NEK11: variants seen among roughly 807,000 people sequenced by gnomAD.
NEK11 encodes the protein serine/threonine-protein kinase Nek11.
Under a neutral mutation model 80.7 loss-of-function variants are expected in NEK11, and 72 were observed. The ratio of observed to expected loss-of-function variants is 0.89; its 90% confidence interval spans 0.74 to 1.08. The LOEUF (loss-of-function observed/expected upper bound fraction) is 1.08, where lower values mean the gene tolerates loss of function less well. NEK11 is among the 50% of genes least tolerant of loss of function. The pLI, the probability that NEK11 is intolerant of heterozygous loss-of-function variation, is 0.00. For synonymous variants in NEK11, 251 were observed against 260.7 expected, an observed-to-expected ratio of 0.96 and a Z score of 0.36; for missense variants, 764 against 763.6, an observed-to-expected ratio of 1.00 and a Z score of -0.01.
chr3:131,296,146 C>T (rs1431224516), intron 17 of NEK11, among the ~76,000 whole-genome samples: 1 of 152,116 alleles, frequency 6.6e-6, no homozygotes, highest in Non-Finnish European at 1.5e-5. Flanking sequence ...TGGCCCAAGT[C>T]TGCTTTCAAA....
rs1226364994 is a variant in NEK11 at position 131,051,223 on chromosome 3, A to C, written c.170+21345A>C. ...TTATAAAGCAGAAGGTTTGCCTTTG[A>C]GGTTTCTTGCCTCCCAACCAGTTGG... On this transcript the variant is annotated intron_variant, in intron 3 of 17. Coordinates refer to ENST00000383366, the MANE Select transcript of NEK11 (RefSeq NM_024800.5). 2.0e-5 allele frequency among the ~76,000 whole-genome samples: 3 copies of C among 152,188 alleles called. No individual in the cohort carries two copies. In the East Asian group the frequency reaches 5.8e-4, roughly 29 times the overall value.
intron 3 of NEK11, among the ~76,000 whole-genome samples, chr3:131,030,432 C>T (rs1329500984): frequency 6.6e-6 from 1 of 152,176 alleles, no homozygotes; most frequent in East Asian, 1.9e-4. Flanking sequence ...GATGTTTGGG[C>T]ATGCCACAGT....
intron 4 of NEK11, among the ~76,000 whole-genome samples, chr3:131,100,401 C>A (rs1337063572): frequency 6.6e-6 from 1 of 152,028 alleles, no homozygotes; most frequent in Non-Finnish European, 1.5e-5. Context: ...TGCAGCTAGT[C>A]TGGCCAACAT....
chr3:131,076,337 TAC>T (rs2074352266), intron 3 of NEK11, among the ~76,000 whole-genome samples: 1 of 152,208 alleles, frequency 6.6e-6, no homozygotes, highest in African/African-American at 2.4e-5. Context: ...TGTAAGGAAA[TAC>T]ACAGAAATGT....
intron 17 of NEK11, chr3:131,330,927 G>GC (rs1554017961): frequency 1.0e-5 from 1 of 97,576 alleles, no homozygotes; most frequent in African/African-American, 4.9e-5. Flanking sequence ...AGAGAAGGAA[G>GC]GGGGGGGGGC....
At chr3:131,257,220 C>A (rs554040387) in intron 16 of NEK11, among the ~76,000 whole-genome samples, 3 of 151,554 alleles carry the variant, frequency 2.0e-5, no homozygotes, top group South Asian at 2.1e-4. Flanking sequence ...GGTCTTGAAC[C>A]CCTGGGCTCA....
intron 5 of NEK11, among the ~76,000 whole-genome samples, chr3:131,111,438 A>G (rs1308683901): frequency 6.6e-6 from 1 of 152,160 alleles, no homozygotes; most frequent in Non-Finnish European, 1.5e-5. Flanking sequence ...AGAAATTACA[A>G]TTTTATGTTT....
intron 5 of NEK11, among the ~76,000 whole-genome samples, chr3:131,120,391 T>TCA (rs1198364045): frequency 2.0e-5 from 3 of 152,186 alleles, no homozygotes; most frequent in Non-Finnish European, 2.9e-5. Context: ...ACCCGACCTT[T>TCA]CACTCTGGCT....
chr3:131,349,599 C>T lies in NEK11; in HGVS notation c.1761C>T (p.Val587=), dbSNP rs1370874518. 6.2e-7 allele frequency: 1 copy of T among 1,614,072 alleles called. No homozygotes were observed. The highest frequency in any genetic ancestry group is 1.7e-5 in the Admixed American group (1 of 60,020). ...TGGGGACAGAAGTATTTGAAGAGGT[C>T]TATAATTACCTCAAGAGAGCAAGGC... ...QKLGTEVFEE[V]YNYLKRARHQ... Residue 587 remains valine, a synonymous_variant, in exon 18 of 18, where the codon GTC becomes GTT. Coordinates refer to ENST00000383366, the MANE Select transcript of NEK11 (RefSeq NM_024800.5).
intron 10 of NEK11, among the ~76,000 whole-genome samples, chr3:131,158,726 G>A (rs1426356397): frequency 2.0e-5 from 3 of 152,192 alleles, no homozygotes; most frequent in African/African-American, 7.2e-5. Flanking sequence ...TGCCCACAGG[G>A]AGACAGGCAC....
At chr3:131,154,794 G>T (rs779736568) in intron 9 of NEK11, 4 of 430,952 alleles carry the variant, frequency 9.3e-6, no homozygotes, top group African/African-American at 2.0e-5. Flanking sequence ...TGGCAAAAGG[G>T]AGTGAGAGAG....
chr3:131,246,931 T>C (rs1419931342), intron 16 of NEK11, among the ~76,000 whole-genome samples: 1 of 152,186 alleles, frequency 6.6e-6, no homozygotes, highest in Non-Finnish European at 1.5e-5. Flanking sequence ...AATTGTCTAC[T>C]TATGTCCTTA....
At chr3:131,309,782 T>G (rs76121212) in intron 17 of NEK11, among the ~76,000 whole-genome samples, 1,740 of 151,644 alleles carry the variant, frequency 0.011, 37 homozygotes, top group African/African-American at 0.037. Flanking sequence ...CTCAGGAGCT[T>G]GAGATCAACC....
intron 16 of NEK11, among the ~76,000 whole-genome samples, chr3:131,252,541 G>T (rs1459402608): frequency 6.6e-6 from 1 of 152,060 alleles, no homozygotes; most frequent in Non-Finnish European, 1.5e-5. Flanking sequence ...ACAGATGAGT[G>T]GACTGAATGA....
At chr3:131,222,222 G>A (rs1322944699) in intron 14 of NEK11, among the ~76,000 whole-genome samples, 11 of 152,174 alleles carry the variant, frequency 7.2e-5, no homozygotes. Flanking sequence ...GGATTCAGAT[G>A]CAGCAGTGTG....
chr3:131,247,948 G>A (rs1259565605), intron 16 of NEK11, among the ~76,000 whole-genome samples: 1 of 150,494 alleles, frequency 6.6e-6, no homozygotes. Context: ...TGTTTATTTT[G>A]TATCCTGAAA....
At chr3:131,305,441 C>T (rs6439283) in intron 17 of NEK11, among the ~76,000 whole-genome samples, 27,810 of 151,980 alleles carry the variant, frequency 0.18, 4,713 homozygotes, top group African/African-American at 0.44. Context: ...CCAGCAGACA[C>T]AGGAGTGCTC....
At chr3:131,274,004 T>A (rs894809768) in intron 17 of NEK11, among the ~76,000 whole-genome samples, 3 of 151,272 alleles carry the variant, frequency 2.0e-5, no homozygotes, top group African/African-American at 7.3e-5. Context: ...CATGTGCACA[T>A]TGTGCAGGTT....
At chr3:131,168,696 T>C in intron 12 of NEK11, 134 bp from the exon 13 acceptor site, 2 of 608,782 alleles carry the variant, frequency 3.3e-6, no homozygotes, top group African/African-American at 3.8e-5. Flanking sequence ...ATTCCTATGC[T>C]GCTGGTCTGT....
Sources: allele counts gnomAD v4.1 joint callset (sites outside exome capture counted in the v4.1 genomes callset), GRCh38; gene constraint gnomAD v4.1.1; transcripts MANE v1.5; gene names NCBI Gene and HGNC (gene_info 2026-07-23, HGNC 2026-07-21).